The following NUP188 variants were observed in gnomAD, a reference collection of about 807,000 sequenced individuals.
NUP188 encodes the protein nucleoporin 188.
A neutral mutation model predicts 223.0 loss-of-function variants in NUP188; 97 were observed. The observed-to-expected ratio is 0.43, with a 90% confidence interval of 0.37 to 0.51. The LOEUF (loss-of-function observed/expected upper bound fraction) is 0.51. Ranked by LOEUF, NUP188 falls within the 20% of genes least tolerant of loss-of-function variation. The pLI is 0.00. For synonymous variants in NUP188, 869 were observed against 828.0 expected (o/e 1.05, Z -0.85); for missense variants, 1,947 against 2,175.6 (o/e 0.89, Z 2.09).
Position 128,999,658 on chromosome 9 carries a change from G to A in NUP188, c.3696G>A (p.Leu1232=). The change falls in exon 34 of 44, where the codon CTG becomes CTA. Residue 1232 remains leucine, a synonymous_variant. Transcript: ENST00000372577. ...TCCCCCAGTACTCCCAGCTGGTGCT[G>A]AATGTCTGTGAGACCCTCCAAGAGG... is the stretch of plus-strand genomic sequence containing the variant. ...SDIPQYSQLV[L]NVCETLQEEV... is the part of the protein sequence containing the mutation. 1 of 1,614,162 alleles carries A rather than the reference G, an allele frequency of 6.2e-7. No individual in the cohort carries two copies. The highest frequency in any genetic ancestry group is 8.5e-7 in the Non-Finnish European group (1 of 1,180,050).
At chr9:128,985,951 A>G (rs930258983) in intron 20 of NUP188, among the ~76,000 whole-genome samples, 1 of 152,104 alleles carries the variant, frequency 6.6e-6, no homozygotes, top group African/African-American at 2.4e-5. Flanking sequence ...AGGCAGGAGA[A>G]TTGCTTGAAC....
At chr9:128,998,661 G>A (rs760027099) in intron 32 of NUP188, 38 bp downstream of exon 32, 1 of 1,543,628 alleles carries the variant, frequency 6.5e-7, no homozygotes. Context: ...CGAGGCCAGA[G>A]CCTTCTTGTC....
At chr9:128,948,932 A>C (rs971975596) in intron 1 of NUP188, 4 of 292,220 alleles carry the variant, frequency 1.4e-5, no homozygotes, top group Non-Finnish European at 2.6e-5. Context: ...TCACTGTGTT[A>C]GCCAGGATGG....
At chr9:128,956,212 C>T (rs28365526) in intron 3 of NUP188, 138 bp from the exon 4 acceptor site, 322 of 347,856 alleles carry the variant, frequency 9.3e-4, no homozygotes, top group East Asian at 2.6e-3. Context: ...TGTGTGTGTG[C>T]GTGTGTGTGT....
In NUP188 at chr9:128,952,767, T is replaced by C. The variant is rs759689400; in HGVS notation, c.88-6T>C. 1 of 1,612,224 alleles carries C rather than the reference T, an allele frequency of 6.2e-7. No homozygotes were observed. The highest frequency in any genetic ancestry group is 1.7e-5 in the Admixed American group (1 of 59,876). Reference sequence around the variant, plus strand: ...GCATTTGTATAATTACCTTGTTCTTTTCCAGAGTCAGATTGAGGCAGAACT... The same window carrying C: ...GCATTTGTATAATTACCTTGTTCTTCTCCAGAGTCAGATTGAGGCAGAACT... On this transcript the variant is annotated splice_region_variant and splice_polypyrimidine_tract_variant and intron_variant, in intron 2 of 43. Transcript: ENST00000372577.
At position 128,987,662 on chromosome 9, in the gene NUP188, A is replaced by G; in HGVS notation, c.2338A>G (p.Ile780Val). The change falls in exon 23 of 44, where the codon ATC (isoleucine) becomes GTC (valine). Residue 780 changes from isoleucine (I) to valine (V), a missense_variant. Coordinates refer to ENST00000372577, the MANE Select transcript of NUP188 (RefSeq NM_015354.3). ...YTEAGQTVINIMGIGVDTIDM... is the reference protein window; with the variant it reads ...YTEAGQTVINVMGIGVDTIDM... ...AGAAGCAGGACAGACAGTTATCAAT[A>G]TCATGGGCATTGGCGTGGACACCAT... The G allele has an allele frequency of 1.2e-6, 2 of 1,614,098 alleles. No individual in the cohort carries two copies. Among genetic ancestry groups the G allele is most frequent in the South Asian group, 1.1e-5 (1 of 91,056 alleles).
chr9:128,990,288 C>G, intron 25 of NUP188, 62 bp downstream of exon 25: 1 of 1,319,128 alleles, frequency 7.6e-7, no homozygotes, highest in Admixed American at 1.7e-5. Flanking sequence ...CCCCTGATTA[C>G]AAAAGACATG....
intron 43 of NUP188, 55 bp from the exon 44 acceptor site, chr9:129,006,447 G>A: frequency 6.2e-7 from 1 of 1,612,546 alleles, no homozygotes. Context: ...ACCCCCAAGG[G>A]TCAGAACAGT....
At chr9:128,998,888 A>C in intron 32 of NUP188, among the ~76,000 whole-genome samples, 1 of 128,530 alleles carries the variant, frequency 7.8e-6, no homozygotes, top group East Asian at 2.2e-4. Context: ...ACGGAGTCTC[A>C]CTCTGTCGCC....
intron 8 of NUP188, among the ~76,000 whole-genome samples, chr9:128,960,059 CTT>C (rs956759518): frequency 1.9e-5 from 2 of 103,784 alleles, no homozygotes; most frequent in East Asian, 2.8e-4. Flanking sequence ...TTATTTTATT[CTT>C]TTTTTTTTTT....
At position 128,959,148 on chromosome 9, in the gene NUP188, G is replaced by C. The variant is rs1202083292; in HGVS notation, c.585+14G>C. Reference sequence around the variant, plus strand: ...GGAAATCTCATGGTATGTGGTTACTGTGCTCTCCTGTAACTTTTTTTTTTT... The same window carrying C: ...GGAAATCTCATGGTATGTGGTTACTCTGCTCTCCTGTAACTTTTTTTTTTT... On this transcript the variant is annotated intron_variant, in intron 8 of 43. Transcript: ENST00000372577. 6.4e-7 allele frequency: 1 copy of C among 1,560,808 alleles called. No homozygotes were observed. The highest frequency in any genetic ancestry group is 8.6e-7 in the Non-Finnish European group (1 of 1,156,262).
At chr9:128,950,482 A>G (rs546563911) in intron 2 of NUP188, among the ~76,000 whole-genome samples, 41 of 152,324 alleles carry the variant, frequency 2.7e-4, no homozygotes, top group Admixed American at 2.5e-3. Flanking sequence ...CAGTCTCCCA[A>G]AGTGCTTGGA....
At chr9:128,988,719 A>ATTTTTTTTTTTTTTTTTTTTTTTTTTTTT (rs528821221) in intron 24 of NUP188, among the ~76,000 whole-genome samples, 2 of 72,858 alleles carry the variant, frequency 2.7e-5, no homozygotes, top group Non-Finnish European at 5.2e-5. Context: ...TAATTTTTTA[A>ATTTTTTTTTTTTTTTTTTTTTTTTTTTTT]TTTTTTTTTT....
chr9:128,994,223 T>A, intron 27 of NUP188, 150 bp from the exon 28 acceptor site: 1 of 634,584 alleles, frequency 1.6e-6, no homozygotes, highest in Non-Finnish European at 2.9e-6. Context: ...ATGGAAACCT[T>A]TCATTTATAC....
intron 34 of NUP188, 48 bp from the exon 35 acceptor site, chr9:129,001,481 C>T: frequency 1.3e-6 from 2 of 1,578,976 alleles, no homozygotes; most frequent in Non-Finnish European, 1.7e-6. Context: ...CGTCCTCTTC[C>T]TCCTCCTCTT....
intron 2 of NUP188, 64 bp from the exon 3 acceptor site, chr9:128,952,709 T>TGA: frequency 7.0e-7 from 1 of 1,423,190 alleles, no homozygotes. Flanking sequence ...GGTGATAGAG[T>TGA]GAGACTCTGT....
rs1842066110 is a variant in NUP188 at position 128,968,708 on chromosome 9, A to G, written c.788A>G (p.Asp263Gly). The G allele has an allele frequency of 4.3e-6, 7 of 1,612,974 alleles. No homozygotes were observed. The highest frequency in any genetic ancestry group is 1.1e-5 in the South Asian group (1 of 91,066). Reference sequence around the variant, plus strand: ...GATGAGACTATGGATCCTTTTGTAGATCGGATTGGGTAAGTCAGTGAATTG... The same window carrying G: ...GATGAGACTATGGATCCTTTTGTAGGTCGGATTGGGTAAGTCAGTGAATTG... ...LVDETMDPFV[D>G]RIGYFSALIL... Residue 263 changes from aspartate to glycine, a missense_variant, in exon 9 of 44, where the codon GAT (aspartate) becomes GGT (glycine). Asp to Gly is a moderately conservative substitution (Grantham distance 94). Around this residue, in one of 3 missense-constraint regions of NUP188, gnomAD observed 817 missense variants for 865.8 expected, o/e 0.94. Transcript: ENST00000372577.
chr9:128,953,613 C>T (rs931345435), intron 3 of NUP188, among the ~76,000 whole-genome samples: 2 of 152,138 alleles, frequency 1.3e-5, no homozygotes, highest in African/African-American at 4.8e-5. Context: ...ATCCCAGATA[C>T]CTTGTTATTT....
intron 2 of NUP188, among the ~76,000 whole-genome samples, chr9:128,949,814 A>C (rs1841753739): frequency 6.6e-6 from 1 of 151,620 alleles, no homozygotes; most frequent in South Asian, 2.1e-4. Flanking sequence ...TTTTTAGTGG[A>C]GACAGGGTTT....
Sources: allele counts gnomAD v4.1 joint callset (sites outside exome capture counted in the v4.1 genomes callset), GRCh38; gene constraint gnomAD v4.1.1; regional missense constraint gnomAD v4.1.1; transcripts MANE v1.5; gene names NCBI Gene and HGNC (gene_info 2026-07-23, HGNC 2026-07-21).